KYAT3: variants seen among roughly 807,000 people sequenced by gnomAD.
The protein encoded by KYAT3 is kynurenine--oxoglutarate transaminase 3.
A neutral mutation model predicts 59.0 loss-of-function variants in KYAT3; 50 were observed. The ratio of observed to expected loss-of-function variants is 0.85; its 90% CI spans 0.68 to 1.07. The LOEUF is 1.07. KYAT3 is among the 50% of genes least tolerant of loss of function. KYAT3 has a pLI of 0.00. For missense variants in KYAT3, 497 were observed against 533.3 expected (o/e 0.93, Z 0.67); for synonymous variants, 148 against 177.0 (o/e 0.84, Z 1.30).
chr1:88,955,451 T>C (rs1319600399), intron 8 of KYAT3, among the ~76,000 whole-genome samples: 1 of 152,134 alleles, frequency 6.6e-6, no homozygotes, highest in Non-Finnish European at 1.5e-5. Flanking sequence ...TATAAATAGA[T>C]TTAATAATTT....
intron 2 of KYAT3, chr1:88,983,651 G>T (rs760937893): frequency 6.2e-7 from 1 of 1,613,850 alleles, no homozygotes; most frequent in Non-Finnish European, 8.5e-7. Context: ...AGCGTCTGCT[G>T]GGCTTTCAAA....
At chr1:88,970,397 C>T (rs1676509728) in intron 2 of KYAT3, among the ~76,000 whole-genome samples, 1 of 152,158 alleles carries the variant, frequency 6.6e-6, no homozygotes, top group African/African-American at 2.4e-5. Context: ...TAAGATCACA[C>T]AACTTTTCAC....
intron 4 of KYAT3, among the ~76,000 whole-genome samples, chr1:88,968,029 C>T (rs1676409470): frequency 6.6e-6 from 1 of 152,154 alleles, no homozygotes; most frequent in Admixed American, 6.5e-5. Flanking sequence ...AGTTTCACTG[C>T]TTTTCCCTGT....
At chr1:88,992,275 T>G (rs1364873314) in intron 1 of KYAT3, among the ~76,000 whole-genome samples, 1 of 152,186 alleles carries the variant, frequency 6.6e-6, no homozygotes, top group Non-Finnish European at 1.5e-5. Context: ...TCTTTCGTAT[T>G]TTTAAATTAA....
At chr1:88,927,206 A>G in the KYAT3 span, among the ~76,000 whole-genome samples, 1 of 152,026 alleles carries the variant, frequency 6.6e-6, no homozygotes, top group Non-Finnish European at 1.5e-5. Flanking sequence ...CTTTTTTCAG[A>G]TGGGAAACAT....
chr1:88,982,585 G>A, intron 2 of KYAT3: 1 of 1,522,514 alleles, frequency 6.6e-7, no homozygotes, highest in Non-Finnish European at 8.8e-7. Context: ...GGGTAGTTAT[G>A]ATAGAATAGT....
At chr1:88,976,244 C>T (rs1676784964) in intron 2 of KYAT3, among the ~76,000 whole-genome samples, 1 of 151,516 alleles carries the variant, frequency 6.6e-6, no homozygotes, top group Non-Finnish European at 1.5e-5. Context: ...GTAGTCCCAG[C>T]TACTCCGGAG....
At chr1:88,979,495 T>G (rs1452684633) in intron 2 of KYAT3, 1 of 152,190 alleles carries the variant, frequency 6.6e-6, no homozygotes, top group Non-Finnish European at 1.5e-5. Context: ...TATAAAGAAC[T>G]TTTACAACTC....
downstream of KYAT3, among the ~76,000 whole-genome samples, chr1:88,933,217 A>G (rs1674946183): frequency 6.6e-6 from 1 of 152,136 alleles, no homozygotes; most frequent in African/African-American, 2.4e-5. Context: ...AATATATTTT[A>G]TTATGTTTAT....
chr1:88,984,945 TACTTCATATC>T (rs1383090800), intron 2 of KYAT3, among the ~76,000 whole-genome samples: 12 of 152,402 alleles, frequency 7.9e-5, no homozygotes, highest in African/African-American at 2.9e-4. Flanking sequence ...TCTGTCTGGT[TACTTCATATC>T]ACATGAGTGA....
At chr1:88,941,081 T>A (rs952030319) in intron 13 of KYAT3, among the ~76,000 whole-genome samples, 11 of 152,238 alleles carry the variant, frequency 7.2e-5, no homozygotes, top group African/African-American at 2.7e-4. Context: ...ATTTTAAAAC[T>A]GGAAGTCCTA....
At chr1:88,921,666 G>A in the KYAT3 span, among the ~76,000 whole-genome samples, 1 of 152,210 alleles carries the variant, frequency 6.6e-6, no homozygotes, top group Non-Finnish European at 1.5e-5. Flanking sequence ...ACTAGGATGT[G>A]TAGATGTATA....
intron 10 of KYAT3, among the ~76,000 whole-genome samples, chr1:88,950,997 C>G (rs1675646344): frequency 6.6e-6 from 1 of 152,182 alleles, no homozygotes; most frequent in African/African-American, 2.4e-5. Flanking sequence ...AACATGCCAG[C>G]CAGGCTGTCT....
chr1:88,984,204 C>CTTTTTTTTTTTTTT lies in KYAT3; in HGVS notation c.99+4034_99+4047dup, dbSNP rs908183722. ...ATTAACAGGAGCCCTTTTTTTGTTG[C>CTTTTTTTTTTTTTT]TTTTTTTTTTTTTTTTTTTTTTTTT... On this transcript the variant is annotated intron_variant, in intron 2 of 13. Coordinates refer to ENST00000260508, the MANE Select transcript of KYAT3 (RefSeq NM_001008661.3). 22 of 81,472 alleles carry CTTTTTTTTTTTTTT rather than the reference C, an allele frequency of 2.7e-4. 1 individual carries two copies. Among genetic ancestry groups the CTTTTTTTTTTTTTT allele is most frequent in the Non-Finnish European group, 5.0e-4 (19 of 38,170 alleles). 5.0% of individuals were successfully genotyped at this position (81,472 alleles called of 1,614,324 possible).
chr1:88,945,967 C>T lies in KYAT3; in HGVS notation c.1142-2544G>A, dbSNP rs576133637. 1.8e-4 allele frequency among the ~76,000 whole-genome samples: 27 copies of T among 152,288 alleles called. No individual in the cohort carries two copies. The South Asian group carries it at 5.4e-3, about 30-fold the overall frequency. ...ATCCTTTTTGCTCCTATTATCACCA[C>T]ACTAGTTCAAGATCTAAGACCTAAA... On this transcript the variant is annotated intron_variant, in intron 11 of 13. Transcript: ENST00000260508.
chr1:88,974,455 T>G (rs1238505665), intron 2 of KYAT3, among the ~76,000 whole-genome samples: 1 of 150,520 alleles, frequency 6.6e-6, no homozygotes, highest in Non-Finnish European at 1.5e-5. Context: ...TGCAATGCAT[T>G]TTGGTGTCTC....
At chr1:88,972,204 A>G (rs922107482) in intron 2 of KYAT3, among the ~76,000 whole-genome samples, 21 of 152,164 alleles carry the variant, frequency 1.4e-4, no homozygotes, top group African/African-American at 5.1e-4. Context: ...TTCCTTGAGG[A>G]CCTCAGTCTT....
At chr1:88,983,123 G>A (rs1164961236) in intron 2 of KYAT3, 14 of 1,612,278 alleles carry the variant, frequency 8.7e-6, no homozygotes, top group Non-Finnish European at 1.2e-5. Flanking sequence ...TGGTGGTGGT[G>A]CATAATCTCT....
downstream of KYAT3, among the ~76,000 whole-genome samples, chr1:88,935,150 C>T (rs527243891): frequency 4.4e-4 from 67 of 150,674 alleles, no homozygotes; most frequent in Middle Eastern, 3.4e-3. Context: ...TACGCCACCA[C>T]GCCCAGCCAA....
Sources: gnomAD v4.1 joint callset for allele counts (sites outside exome capture counted in the v4.1 genomes callset) on GRCh38, gnomAD v4.1.1 for gene constraint, MANE v1.5 for transcripts, NCBI Gene and HGNC (gene_info 2026-07-23, HGNC 2026-07-21) for gene names.